TATDN1: variants seen among roughly 807,000 people sequenced by gnomAD.
The protein encoded by TATDN1 is deoxyribonuclease TATDN1.
In TATDN1, 40 loss-of-function variants were observed where a neutral mutation model predicts 46.4. That is an observed-to-expected ratio of 0.86 (90% CI 0.67 to 1.12). TATDN1 has a LOEUF of 1.12. TATDN1 is among the 50% of genes most tolerant of loss of function. The pLI, the probability that TATDN1 is intolerant of heterozygous loss-of-function variation, is 0.00. For synonymous variants in TATDN1, 95 were observed against 105.6 expected, an observed-to-expected ratio of 0.90 and a Z score of 0.62; for missense variants, 326 against 348.4, an observed-to-expected ratio of 0.94 and a Z score of 0.51.
intron 9 of TATDN1, 64 bp from the exon 10 acceptor site, chr8:124,495,606 C>A (rs1817399112): frequency 7.7e-7 from 1 of 1,301,746 alleles, no homozygotes; most frequent in Non-Finnish European, 1.1e-6. Context: ...TTTCGTATCA[C>A]AACTTGTCTA....
At chr8:124,507,470 T>C (rs1380842894) in intron 8 of TATDN1, among the ~76,000 whole-genome samples, 2 of 152,136 alleles carry the variant, frequency 1.3e-5, no homozygotes, top group East Asian at 1.9e-4. Context: ...AAGAATATCA[T>C]GCACAGCATT....
chr8:124,503,367 G>A (rs917603537), intron 9 of TATDN1, among the ~76,000 whole-genome samples: 1 of 152,046 alleles, frequency 6.6e-6, no homozygotes, highest in African/African-American at 2.4e-5. Context: ...ATGCTGGGGG[G>A]ACTCTGATAT....
At chr8:124,518,523 CAA>C (rs11375686) in intron 4 of TATDN1, among the ~76,000 whole-genome samples, 2 of 83,122 alleles carry the variant, frequency 2.4e-5, no homozygotes, top group Admixed American at 1.4e-4. Flanking sequence ...GACTCCGTCT[CAA>C]AAAAAAAAAA....
chr8:124,493,973 G>T lies in TATDN1; in HGVS notation c.665-14C>A. 1.3e-6 allele frequency: 2 copies of T among 1,598,024 alleles called. No homozygotes were observed. The highest frequency in any genetic ancestry group is 1.7e-6 in the Non-Finnish European group (2 of 1,175,104). ...ACCAAGGTGCATCTAGTTAAGCAAAGAAAGTGTCTCGTAAGGGGTTTACAT... is the reference window on the plus strand; with the variant it reads ...ACCAAGGTGCATCTAGTTAAGCAAATAAAGTGTCTCGTAAGGGGTTTACAT... On this transcript the variant is annotated splice_polypyrimidine_tract_variant and intron_variant, in intron 10 of 11. Transcript: ENST00000276692.
intron 9 of TATDN1, among the ~76,000 whole-genome samples, chr8:124,496,481 G>GTCCGCCTATTCA (rs1434773429): frequency 6.6e-6 from 1 of 152,150 alleles, no homozygotes; most frequent in Non-Finnish European, 1.5e-5. Context: ...AAAATCTATG[G>GTCCGCCTATTCA]TCCGCCTATT....
intron 6 of TATDN1, among the ~76,000 whole-genome samples, chr8:124,514,231 CA>C (rs1819267823): frequency 6.6e-6 from 1 of 152,084 alleles, no homozygotes; most frequent in South Asian, 2.1e-4. Context: ...GATTTTCAAC[CA>C]GGGGGTACAT....
Position 124,488,516 on chromosome 8 carries a change from A to G in TATDN1, c.*78T>C. Reference sequence around the variant, plus strand: ...GTATTTCTTTAGACAACTTGCAGATAATTTCTTTATTGAAACTATCAGGAA... The same window carrying G: ...GTATTTCTTTAGACAACTTGCAGATGATTTCTTTATTGAAACTATCAGGAA... On this transcript the variant is annotated 3_prime_UTR_variant, in exon 12 of 12. Coordinates refer to ENST00000276692, the MANE Select transcript of TATDN1 (RefSeq NM_032026.4). 5 of 728,930 alleles carry G rather than the reference A, an allele frequency of 6.9e-6. No homozygotes were observed. The highest frequency in any genetic ancestry group is 1.8e-5 in the African/African-American group (1 of 55,662). The allele number at this position is 728,930 out of a possible 1,614,324, so 45.2% of individuals were successfully genotyped here.
At chr8:124,535,109 ACT>A (rs1333334997) in intron 1 of TATDN1, among the ~76,000 whole-genome samples, 2 of 151,896 alleles carry the variant, frequency 1.3e-5, no homozygotes, top group Non-Finnish European at 2.9e-5. Flanking sequence ...GAAACTTCCA[ACT>A]CTCTAATCAC....
At chr8:124,514,964 G>T (rs577169940) in intron 6 of TATDN1, among the ~76,000 whole-genome samples, 4 of 152,046 alleles carry the variant, frequency 2.6e-5, no homozygotes, top group Admixed American at 6.6e-5. Flanking sequence ...TTTCTTGCTG[G>T]TTTTTTTTAG....
intron 1 of TATDN1, among the ~76,000 whole-genome samples, chr8:124,525,968 T>G (rs1235180693): frequency 6.6e-6 from 1 of 152,210 alleles, no homozygotes; most frequent in Non-Finnish European, 1.5e-5. Context: ...GAAAGGCATT[T>G]AAAATGTTCA....
Position 124,499,660 on chromosome 8 carries a change from C to T in TATDN1, c.594-4118G>A, listed in dbSNP as rs188052859. 6.4e-4 allele frequency among the ~76,000 whole-genome samples: 98 copies of T among 152,150 alleles called. 1 individual carries two copies. In the East Asian group the frequency reaches 0.017, roughly 27 times the overall value. ...CCGGGTTCACGCCATTCTCCTGCCTCAGCCTCCCGAGTAGCTGGGACTACA... is the reference window on the plus strand; with the variant it reads ...CCGGGTTCACGCCATTCTCCTGCCTTAGCCTCCCGAGTAGCTGGGACTACA... On this transcript the variant is annotated intron_variant, in intron 9 of 11. Transcript: ENST00000276692.
intron 1 of TATDN1, among the ~76,000 whole-genome samples, chr8:124,535,094 G>T (rs1821315204): frequency 6.6e-6 from 1 of 152,062 alleles, no homozygotes; most frequent in Non-Finnish European, 1.5e-5. Context: ...TGGGTGGGAG[G>T]GACTGAAACT....
chr8:124,528,521 G>A (rs1820699485), intron 1 of TATDN1, among the ~76,000 whole-genome samples: 1 of 151,992 alleles, frequency 6.6e-6, no homozygotes, highest in Admixed American at 6.5e-5. Context: ...AGGAGGTATG[G>A]GCCAAACAAC....
intron 8 of TATDN1, among the ~76,000 whole-genome samples, chr8:124,506,905 G>A (rs992498532): frequency 6.6e-6 from 1 of 152,178 alleles, no homozygotes; most frequent in Non-Finnish European, 1.5e-5. Context: ...GCTCATGCCT[G>A]TAATCCTAGC....
intron 8 of TATDN1, among the ~76,000 whole-genome samples, chr8:124,507,798 AACAAAAAACACAC>A (rs1196271028): frequency 6.6e-6 from 1 of 151,702 alleles, no homozygotes; most frequent in African/African-American, 2.4e-5. Flanking sequence ...AAAAAAAAAA[AACAAAAAACACAC>A]ACAAAAAACA....
chr8:124,538,971 C>A (rs1053287645), intron 1 of TATDN1, 54 bp downstream of exon 1: 21 of 1,611,818 alleles, frequency 1.3e-5, no homozygotes, highest in Non-Finnish European at 1.8e-5. Flanking sequence ...CCTTGGTGAC[C>A]GACGCCCGGG....
At chr8:124,523,292 C>T (rs6470246) in intron 1 of TATDN1, 17,449 of 304,198 alleles carry the variant, frequency 0.057, 2,841 homozygotes, top group African/African-American at 0.35. Context: ...AGAAGAGGAA[C>T]ACCCAACCTA....
At chr8:124,509,995 C>T (rs950204840) in intron 6 of TATDN1, among the ~76,000 whole-genome samples, 36 of 146,602 alleles carry the variant, frequency 2.5e-4, no homozygotes, top group African/African-American at 7.8e-4. Context: ...TGTACCACTG[C>T]ACTCCAGCCT....
At chr8:124,521,374 G>A (rs1820030250) in intron 3 of TATDN1, among the ~76,000 whole-genome samples, 1 of 152,136 alleles carries the variant, frequency 6.6e-6, no homozygotes, top group Non-Finnish European at 1.5e-5. Flanking sequence ...GAAAATTTAG[G>A]AGCCTAGTAT....
Sources: gnomAD v4.1 joint callset for allele counts (sites outside exome capture counted in the v4.1 genomes callset) on GRCh38, gnomAD v4.1.1 for gene constraint, MANE v1.5 for transcripts, NCBI Gene and HGNC (gene_info 2026-07-23, HGNC 2026-07-21) for gene names.